BTF3L4: variants seen among roughly 807,000 people sequenced by gnomAD.
The protein encoded by BTF3L4 is transcription factor BTF3 homolog 4.
BTF3L4 carries 6 observed loss-of-function variants against 16.8 expected under a neutral mutation model. The observed-to-expected ratio is 0.36, with a 90% CI of 0.20 to 0.71. The LOEUF is 0.71. BTF3L4 is among the 30% of genes least tolerant of loss of function. BTF3L4 has a pLI of 0.58. For missense variants in BTF3L4, 92 were observed against 186.9 expected (o/e 0.49, Z 2.96); for synonymous variants, 39 against 59.8 (o/e 0.65, Z 1.60).
intron 1 of BTF3L4, among the ~76,000 whole-genome samples, chr1:52,059,045 A>T (rs1157439968): frequency 6.6e-6 from 1 of 152,184 alleles, no homozygotes; most frequent in African/African-American, 2.4e-5. Flanking sequence ...GATTAACTTT[A>T]AAAAGCTTGT....
At chr1:52,074,143 G>T (rs1005996411) in intron 3 of BTF3L4, among the ~76,000 whole-genome samples, 2 of 151,886 alleles carry the variant, frequency 1.3e-5, no homozygotes, top group Non-Finnish European at 2.9e-5. Flanking sequence ...TCCAGCCTGG[G>T]TGACAGAGCA....
chr1:52,079,445 C>T (rs1643894606), intron 3 of BTF3L4, among the ~76,000 whole-genome samples: 1 of 151,280 alleles, frequency 6.6e-6, no homozygotes, highest in African/African-American at 2.4e-5. Flanking sequence ...TCTCTATATT[C>T]TAAAATTAAC....
At position 52,085,230 on chromosome 1, in the gene BTF3L4, C is replaced by T. The variant is rs575808905; in HGVS notation, c.371-882C>T. 1.3e-4 allele frequency among the ~76,000 whole-genome samples: 20 copies of T among 151,338 alleles called. No individual in the cohort carries two copies. In the East Asian group the frequency reaches 1.4e-3, roughly 10 times the overall value. On this transcript the variant is annotated intron_variant, in intron 4 of 5. Transcript: ENST00000313334. The stretch of plus-strand genomic sequence containing the variant: ...GAGACAGGGTTTCACCGTCTTGGCC[C>T]GGCTGGTCTTAAACTCCTGACCTCG...
rs1032351509 is a variant in BTF3L4 at position 52,090,624 on chromosome 1, T to C, written c.*3866T>C. 6.6e-6 allele frequency: 1 copy of C among 152,198 alleles called. No individual in the cohort carries two copies. Among genetic ancestry groups the C allele is most frequent in the Non-Finnish European group, 1.5e-5 (1 of 68,034 alleles). 9.4% of individuals were successfully genotyped at this position (152,198 alleles called of 1,614,324 possible). Reference sequence around the variant, plus strand: ...TAAGATTATTTGATTTTCTTTTTACTTTCTCGTAGTGCCCAATGTGTAGTT... The same window carrying C: ...TAAGATTATTTGATTTTCTTTTTACCTTCTCGTAGTGCCCAATGTGTAGTT... On this transcript the variant is annotated 3_prime_UTR_variant, in exon 6 of 6. Coordinates refer to ENST00000313334, the MANE Select transcript of BTF3L4 (RefSeq NM_152265.5).
chr1:52,072,645 A>G (rs1361774791), intron 3 of BTF3L4, among the ~76,000 whole-genome samples: 1 of 152,182 alleles, frequency 6.6e-6, no homozygotes, highest in African/African-American at 2.4e-5. Context: ...CATCGAGGTC[A>G]TAGTGTATCA....
intron 3 of BTF3L4, among the ~76,000 whole-genome samples, chr1:52,079,847 T>C (rs1196097156): frequency 2.0e-5 from 3 of 148,832 alleles, no homozygotes; most frequent in Admixed American, 7.0e-5. Context: ...CATGAGGCCA[T>C]GGAATTTTCT....
At chr1:52,060,483 T>C in intron 2 of BTF3L4, 1 of 1,270,156 alleles carries the variant, frequency 7.9e-7, no homozygotes, top group Non-Finnish European at 1.0e-6. Context: ...GAATATCAGC[T>C]TTCTTATTCC....
intron 5 of BTF3L4, 177 bp downstream of exon 5, chr1:52,086,348 A>T (rs529558102): frequency 2.0e-6 from 1 of 501,962 alleles, no homozygotes; most frequent in South Asian, 3.9e-5. Flanking sequence ...AGAACCTAGA[A>T]TCAGAAATTG....
In BTF3L4 at chr1:52,070,633, CTT is replaced by C. The variant is rs35272382; in HGVS notation, c.168+5711_168+5712del. Among the ~76,000 whole-genome samples, 535 of 101,638 alleles carry C rather than the reference CTT, an allele frequency of 5.3e-3. 2 individuals carry two copies. The highest frequency in any genetic ancestry group is 7.4e-3 in the Non-Finnish European group (379 of 50,994). 66.7% of individuals were successfully genotyped at this position (101,638 alleles called of 152,430 possible). ...ATACAAAGGTCAAATAAATAACCAG[CTT>C]TTTTTTTTTTTTTTTGGTGGGGGGA... On this transcript the variant is annotated intron_variant, in intron 3 of 5. Transcript: ENST00000313334.
At chr1:52,083,818 G>A (rs1643945336) in intron 4 of BTF3L4, among the ~76,000 whole-genome samples, 2 of 152,074 alleles carry the variant, frequency 1.3e-5, no homozygotes, top group South Asian at 2.1e-4. Flanking sequence ...TCAGGAGTTC[G>A]AGACCAGCCT....
chr1:52,078,068 T>G (rs1419823761), intron 3 of BTF3L4, among the ~76,000 whole-genome samples: 2 of 152,056 alleles, frequency 1.3e-5, no homozygotes, highest in Admixed American at 1.3e-4. Context: ...CAATATCCTT[T>G]TTTTTCCTTT....
intron 3 of BTF3L4, among the ~76,000 whole-genome samples, chr1:52,080,211 A>C (rs192699479): frequency 1.3e-5 from 2 of 152,228 alleles, no homozygotes; most frequent in Admixed American, 1.3e-4. Context: ...TATGAGAATG[A>C]TTTAGTAGGA....
Position 52,064,689 on chromosome 1 carries a change from G to T in BTF3L4, c.55-136G>T, listed in dbSNP as rs570925217. 23 of 533,552 alleles carry T rather than the reference G, an allele frequency of 4.3e-5. No individual in the cohort carries two copies. In the African/African-American group the frequency reaches 4.5e-4, roughly 10 times the overall value. 33.1% of individuals were successfully genotyped at this position (533,552 alleles called of 1,614,324 possible). ...GGCTGACAATCACAACCTCTGAGAA[G>T]TCTTATAACATTAATCATTATTATT... On this transcript the variant is annotated intron_variant, in intron 2 of 5. Coordinates refer to ENST00000313334, the MANE Select transcript of BTF3L4 (RefSeq NM_152265.5).
Position 52,088,043 on chromosome 1 carries a change from CAA to C in BTF3L4, c.*1286_*1287del, listed in dbSNP as rs986817505. 3 of 152,600 alleles carry C rather than the reference CAA, an allele frequency of 2.0e-5. No homozygotes were observed. The highest frequency in any genetic ancestry group is 6.5e-5 in the Admixed American group (1 of 15,274). 9.5% of individuals were successfully genotyped at this position (152,600 alleles called of 1,614,324 possible). On this transcript the variant is annotated 3_prime_UTR_variant, in exon 6 of 6. Transcript: ENST00000313334. ...TGGAGGTAAGTTGCATTCATTCACT[CAA>C]GTTTCCCTCTTGCTGTCTAATAGAA...
chr1:52,062,223 A>T (rs1319378300), intron 2 of BTF3L4, among the ~76,000 whole-genome samples: 1 of 89,502 alleles, frequency 1.1e-5, no homozygotes, highest in Non-Finnish European at 2.0e-5. Context: ...TTTTTTTGAG[A>T]CGGAGTCTCA....
chr1:52,085,970 A>G (rs552723745), intron 4 of BTF3L4, 142 bp from the exon 5 acceptor site: 48 of 469,946 alleles, frequency 1.0e-4, no homozygotes, highest in Admixed American at 2.9e-4. Context: ...AGCAAAAAAT[A>G]TGAATGGCAT....
intron 3 of BTF3L4, among the ~76,000 whole-genome samples, chr1:52,077,434 T>G (rs528979769): frequency 2.6e-5 from 4 of 152,182 alleles, no homozygotes; most frequent in Non-Finnish European, 1.5e-5. Context: ...CCCAGCTACT[T>G]GGGAGGATGA....
Position 52,089,593 on chromosome 1 carries a change from A to G in BTF3L4, c.*2835A>G, listed in dbSNP as rs1349092017. On this transcript the variant is annotated 3_prime_UTR_variant, in exon 6 of 6. Coordinates refer to ENST00000313334, the MANE Select transcript of BTF3L4 (RefSeq NM_152265.5). The stretch of plus-strand genomic sequence containing the variant: ...TTTTGCCAAGATAACAATGATAAAA[A>G]CATTTTGGGGGGGAAATTGACCTTA... 1 of 152,226 alleles carries G rather than the reference A, an allele frequency of 6.6e-6. No individual in the cohort carries two copies. The highest frequency in any genetic ancestry group is 1.5e-5 in the Non-Finnish European group (1 of 68,034). 9.4% of individuals were successfully genotyped at this position (152,226 alleles called of 1,614,324 possible). A position where few individuals can be genotyped will look rare whatever the true frequency, so the allele number is the denominator to read the frequency against.
intron 3 of BTF3L4, among the ~76,000 whole-genome samples, chr1:52,078,922 T>C (rs1200399170): frequency 6.6e-6 from 1 of 152,218 alleles, no homozygotes; most frequent in Non-Finnish European, 1.5e-5. Context: ...TAGTTGCTAA[T>C]TTAATAGTCC....
Sources: gnomAD v4.1 joint callset for allele counts (sites outside exome capture counted in the v4.1 genomes callset) on GRCh38, gnomAD v4.1.1 for gene constraint, MANE v1.5 for transcripts, NCBI Gene and HGNC (gene_info 2026-07-23, HGNC 2026-07-21) for gene names.